Variants in FRMD4B observed in about 807,000 individuals in gnomAD.
FRMD4B encodes FERM domain-containing protein 4B.
A neutral mutation model predicts 141.5 loss-of-function variants in FRMD4B; 74 were observed. That is an observed-to-expected ratio of 0.52 (90% CI 0.43 to 0.63). FRMD4B has a LOEUF of 0.63. Ranked by LOEUF, FRMD4B falls within the 30% of genes least tolerant of loss-of-function variation. FRMD4B has a pLI of 0.00. For missense variants in FRMD4B, 1,366 were observed against 1,253.4 expected (o/e 1.09, Z -1.36); for synonymous variants, 506 against 467.9 (o/e 1.08, Z -1.05).
intron 1 of FRMD4B, among the ~76,000 whole-genome samples, chr3:69,363,357 T>A (rs572713805): frequency 6.9e-4 from 105 of 151,092 alleles, no homozygotes; most frequent in Non-Finnish European, 1.2e-3. Context: ...AGTGTTGGGA[T>A]CATAGGTATG....
chr3:69,337,660 A>G (rs897973613), intron 1 of FRMD4B, among the ~76,000 whole-genome samples: 9 of 152,346 alleles, frequency 5.9e-5, no homozygotes, highest in African/African-American at 1.4e-4. Flanking sequence ...ATGAACAGAC[A>G]CTTCTCAAAA....
chr3:69,217,578 C>T (rs909717783), intron 10 of FRMD4B, among the ~76,000 whole-genome samples: 13 of 152,120 alleles, frequency 8.5e-5, no homozygotes, highest in Admixed American at 3.3e-4. Flanking sequence ...GCTGAGATCA[C>T]GCCACTGCAC....
At chr3:69,335,509 T>C (rs910511227) in intron 1 of FRMD4B, among the ~76,000 whole-genome samples, 2 of 151,854 alleles carry the variant, frequency 1.3e-5, no homozygotes, top group Admixed American at 1.3e-4. Context: ...GTAGCTGGGA[T>C]TACAGGCACG....
At chr3:69,198,674 C>T (rs745973199) in intron 12 of FRMD4B, 24 bp downstream of exon 12, 8 of 1,257,244 alleles carry the variant, frequency 6.4e-6, no homozygotes, top group Admixed American at 3.9e-5. Context: ...CTGTGTCATA[C>T]AGAGAAACGT....
intron 1 of FRMD4B, among the ~76,000 whole-genome samples, chr3:69,528,801 CAA>C (rs77054280): frequency 3.4e-4 from 46 of 134,178 alleles, no homozygotes; most frequent in Admixed American, 3.7e-4. Flanking sequence ...ATAAGGCCAC[CAA>C]AAAAAAAAAA....
At chr3:69,385,390 A>G (rs575518183) in intron 1 of FRMD4B, among the ~76,000 whole-genome samples, 113 of 152,212 alleles carry the variant, frequency 7.4e-4, no homozygotes, top group African/African-American at 2.6e-3. Flanking sequence ...TGAAAATCCA[A>G]CGGAAGGATA....
At chr3:69,447,131 T>C (rs1299745629) in intron 1 of FRMD4B, among the ~76,000 whole-genome samples, 1 of 152,190 alleles carries the variant, frequency 6.6e-6, no homozygotes, top group Non-Finnish European at 1.5e-5. Context: ...TGAAGGTAAT[T>C]CCACTCTGAC....
intron 19 of FRMD4B, among the ~76,000 whole-genome samples, chr3:69,187,178 T>A (rs2092776892): frequency 1.3e-5 from 2 of 152,180 alleles, no homozygotes; most frequent in African/African-American, 4.8e-5. Context: ...ATAATTAATG[T>A]CCCTATAAGT....
At chr3:69,230,748 G>GAA (rs75656969) in intron 7 of FRMD4B, among the ~76,000 whole-genome samples, 1 of 136,812 alleles carries the variant, frequency 7.3e-6, no homozygotes. Flanking sequence ...ACTCTGCCTC[G>GAA]AAAAAAAAAA....
chr3:69,498,601 G>C (rs965700650), intron 1 of FRMD4B, among the ~76,000 whole-genome samples: 1 of 152,194 alleles, frequency 6.6e-6, no homozygotes, highest in Non-Finnish European at 1.5e-5. Flanking sequence ...ATCTTTCTCT[G>C]TTCAGGTACT....
At chr3:69,261,549 G>A (rs917318375) in intron 5 of FRMD4B, among the ~76,000 whole-genome samples, 12 of 152,182 alleles carry the variant, frequency 7.9e-5, no homozygotes, top group South Asian at 4.1e-4. Flanking sequence ...TGCAATGTCC[G>A]TGGTATATCT....
At chr3:69,225,721 AAAAAAAAGAG>A (rs1575630031) in intron 7 of FRMD4B, among the ~76,000 whole-genome samples, 5 of 73,530 alleles carry the variant, frequency 6.8e-5, no homozygotes, top group Non-Finnish European at 1.2e-4. Flanking sequence ...AAAAAAAAAA[AAAAAAAAGAG>A]GGAGAACACG....
chr3:69,326,805 C>T (rs1016603809), intron 1 of FRMD4B, among the ~76,000 whole-genome samples: 10 of 152,156 alleles, frequency 6.6e-5, no homozygotes, highest in African/African-American at 2.4e-4. Flanking sequence ...CAATTAGAAA[C>T]TCATGTTAGG....
Position 69,475,525 on chromosome 3 carries a change from A to T in FRMD4B, c.-128-42764T>A, listed in dbSNP as rs1363739524. On this transcript the variant is annotated intron_variant, in intron 1 of 5. Transcript: ENST00000459638. ...TCCAATTTCATCCATGTCCCTACAA[A>T]CGACATGAACTCATCATTTTTTATG... 2.0e-5 allele frequency among the ~76,000 whole-genome samples: 3 copies of T among 152,190 alleles called. No homozygotes were observed. In the East Asian group the frequency reaches 5.8e-4, roughly 29 times the overall value.
chr3:69,377,977 A>ATTTT (rs35582091), intron 1 of FRMD4B, among the ~76,000 whole-genome samples: 1 of 139,856 alleles, frequency 7.2e-6, no homozygotes, highest in Non-Finnish European at 1.5e-5. Context: ...CACTTGGCTA[A>ATTTT]TTTTTTTTTT....
intron 1 of FRMD4B, among the ~76,000 whole-genome samples, chr3:69,540,271 A>T (rs1701152964): frequency 6.6e-6 from 1 of 152,042 alleles, no homozygotes; most frequent in Non-Finnish European, 1.5e-5. Context: ...ATATATACAG[A>T]GTGCTTACTG....
chr3:69,337,641 G>A (rs1403368114), intron 1 of FRMD4B, among the ~76,000 whole-genome samples: 1 of 152,162 alleles, frequency 6.6e-6, no homozygotes, highest in Non-Finnish European at 1.5e-5. Context: ...CAAAAAGTGG[G>A]CAAAGGATAT....
At chr3:69,384,855 A>G (rs552440330) in intron 1 of FRMD4B, among the ~76,000 whole-genome samples, 78 of 152,302 alleles carry the variant, frequency 5.1e-4, no homozygotes, top group African/African-American at 1.8e-3. Context: ...ACACAATATA[A>G]TAAGACATAA....
rs59055951 is a variant in FRMD4B at position 69,540,692 on chromosome 3, C to CACATAT, written c.-129+1513_-129+1514insATATGT. Among the ~76,000 whole-genome samples, 1,005 of 128,698 alleles carry CACATAT rather than the reference C, an allele frequency of 7.8e-3. 31 individuals are homozygous for CACATAT. Among genetic ancestry groups the CACATAT allele is most frequent in the East Asian group, 0.028 (127 of 4,490 alleles). The allele number at this position is 128,698 out of a possible 152,430, so 84.4% of individuals were successfully genotyped here. On this transcript the variant is annotated intron_variant, in intron 1 of 5. Transcript: ENST00000459638. The stretch of plus-strand genomic sequence containing the variant: ...ACACACACACACACACACACACACA[C>CACATAT]GGCAGTTATTGTTATTGTTATTATT...
Sources: gnomAD v4.1 joint callset for allele counts (sites outside exome capture counted in the v4.1 genomes callset) on GRCh38, gnomAD v4.1.1 for gene constraint, MANE v1.5 for transcripts, NCBI Gene and HGNC (gene_info 2026-07-23, HGNC 2026-07-21) for gene names.